Variants in CNOT6 observed in about 807,000 individuals in gnomAD.
CNOT6 encodes CCR4-NOT transcription complex subunit 6.
CNOT6 carries 12 observed loss-of-function variants against 61.2 expected under a neutral mutation model. The ratio of observed to expected loss-of-function variants is 0.20; its 90% CI spans 0.13 to 0.32. The LOEUF (loss-of-function observed/expected upper bound fraction) is 0.32, where lower values mean the gene tolerates loss of function less well. Ranked by LOEUF, CNOT6 falls within the 10% of genes least tolerant of loss-of-function variation. The pLI is 1.00. For missense variants in CNOT6, 405 were observed against 663.9 expected, an observed-to-expected ratio of 0.61 and a Z score of 4.28; for synonymous variants, 225 against 240.6, an observed-to-expected ratio of 0.94 and a Z score of 0.60.
At chr5:180,524,772 C>G (rs942267193) in intron 1 of CNOT6, among the ~76,000 whole-genome samples, 1 of 152,126 alleles carries the variant, frequency 6.6e-6, no homozygotes, top group African/African-American at 2.4e-5. Flanking sequence ...ATCAATAATT[C>G]TAATGATTAA....
At chr5:180,498,578 C>T (rs963764513) in intron 1 of CNOT6, among the ~76,000 whole-genome samples, 1 of 152,038 alleles carries the variant, frequency 6.6e-6, no homozygotes, top group Non-Finnish European at 1.5e-5. Context: ...GGGAATGACT[C>T]GAGATGAGCC....
Position 180,576,269 on chromosome 5 carries a change from T to A in CNOT6, c.*2069T>A, listed in dbSNP as rs1336532435. 1.3e-5 allele frequency: 2 copies of A among 152,648 alleles called. No homozygotes were observed. Among genetic ancestry groups the A allele is most frequent in the Non-Finnish European group, 2.9e-5 (2 of 68,036 alleles). The allele number at this position is 152,648 out of a possible 1,614,324, so 9.5% of individuals were successfully genotyped here. A position where few individuals can be genotyped will look rare whatever the true frequency, so the allele number is the denominator to read the frequency against. On this transcript the variant is annotated 3_prime_UTR_variant, in exon 12 of 12. Transcript: ENST00000261951. ...CTGGAGCTGGTTGGACTAATGAGAC[T>A]GAGGAAGCAGCTTTTCCTACGATCT... is the stretch of plus-strand genomic sequence containing the variant.
At chr5:180,520,678 C>T (rs753860350) in intron 1 of CNOT6, among the ~76,000 whole-genome samples, 1 of 151,958 alleles carries the variant, frequency 6.6e-6, no homozygotes, top group Non-Finnish European at 1.5e-5. Flanking sequence ...TTTATATAGG[C>T]AGGAAACAAA....
intron 11 of CNOT6, among the ~76,000 whole-genome samples, chr5:180,573,262 G>T (rs1436074027): frequency 6.6e-6 from 1 of 152,140 alleles, no homozygotes; most frequent in Non-Finnish European, 1.5e-5. Flanking sequence ...TGCCATGGCG[G>T]GGTGCTGCTG....
intron 1 of CNOT6, 46 bp downstream of exon 1, chr5:180,494,809 T>C (rs1322781936): frequency 6.6e-6 from 1 of 151,716 alleles, no homozygotes; most frequent in Non-Finnish European, 1.5e-5. Flanking sequence ...CGCTCCTCTC[T>C]CCGGCCGCGC....
intron 2 of CNOT6, among the ~76,000 whole-genome samples, chr5:180,531,240 C>CA (rs1758354503): frequency 6.7e-6 from 1 of 148,894 alleles, no homozygotes; most frequent in East Asian, 2.0e-4. Context: ...GGGCGGCTGC[C>CA]GGGCAGAGGG....
intron 10 of CNOT6, among the ~76,000 whole-genome samples, chr5:180,570,079 T>G (rs1760666693): frequency 6.6e-6 from 1 of 152,056 alleles, no homozygotes; most frequent in Non-Finnish European, 1.5e-5. Context: ...AGAAACTGGC[T>G]GGGTGCCGTG....
intron 4 of CNOT6, among the ~76,000 whole-genome samples, chr5:180,553,964 AT>A (rs1051675362): frequency 1.5e-4 from 23 of 152,346 alleles, no homozygotes; most frequent in African/African-American, 5.3e-4. Context: ...GGAAATAAAT[AT>A]TTTTTAAGCC....
At chr5:180,516,184 T>A (rs1009082864) in intron 1 of CNOT6, among the ~76,000 whole-genome samples, 2 of 44,464 alleles carry the variant, frequency 4.5e-5, no homozygotes, top group Non-Finnish European at 1.6e-4. Context: ...AATTCAGGAT[T>A]TTTTTTTTTT....
intron 1 of CNOT6, among the ~76,000 whole-genome samples, chr5:180,520,909 A>G (rs1278540655): frequency 1.3e-5 from 2 of 151,064 alleles, no homozygotes; most frequent in East Asian, 2.0e-4. Flanking sequence ...CAGTGGCGCA[A>G]CCTCAGCTCA....
intron 2 of CNOT6, among the ~76,000 whole-genome samples, chr5:180,530,561 C>CTT (rs70973925): frequency 3.7e-3 from 446 of 119,420 alleles, no homozygotes; most frequent in African/African-American, 0.012. Flanking sequence ...CTTCTGATTT[C>CTT]TTTTTTTTTT....
chr5:180,520,599 G>A (rs1272939146), intron 1 of CNOT6, among the ~76,000 whole-genome samples: 1 of 151,948 alleles, frequency 6.6e-6, no homozygotes, highest in Non-Finnish European at 1.5e-5. Context: ...CCAAGATCAC[G>A]CCACTGTACT....
chr5:180,502,940 GT>G (rs1054802279), intron 1 of CNOT6, among the ~76,000 whole-genome samples: 1 of 152,170 alleles, frequency 6.6e-6, no homozygotes, highest in Non-Finnish European at 1.5e-5. Context: ...TAGACCAGTA[GT>G]TTCCTTTGTT....
chr5:180,562,287 T>A (rs1032016413), intron 4 of CNOT6, among the ~76,000 whole-genome samples: 5 of 152,208 alleles, frequency 3.3e-5, no homozygotes, highest in African/African-American at 1.2e-4. Flanking sequence ...TAGGGAAAAG[T>A]GTTTTTACTC....
intron 1 of CNOT6, among the ~76,000 whole-genome samples, chr5:180,513,269 A>G (rs1344007125): frequency 6.6e-6 from 1 of 152,170 alleles, no homozygotes; most frequent in Non-Finnish European, 1.5e-5. Flanking sequence ...GGCTCACTGC[A>G]GCCTCCACCT....
chr5:180,525,174 C>T (rs1406992357), intron 1 of CNOT6, among the ~76,000 whole-genome samples: 1 of 152,132 alleles, frequency 6.6e-6, no homozygotes, highest in Non-Finnish European at 1.5e-5. Flanking sequence ...CATTTATATT[C>T]TTAAGAAGCT....
rs558722811 is a variant in CNOT6, at chr5:180,565,609, G to A, written c.560-211G>A. ...TCTGTGCCTACCTCTGTAGCAGGTA[G>A]TACATTGTATTCTAACTTGTTCACT... On this transcript the variant is annotated intron_variant, in intron 6 of 11. Transcript: ENST00000261951. Among the ~76,000 whole-genome samples the A allele has an allele frequency of 3.9e-5, 6 of 152,244 alleles. No homozygotes were observed. The South Asian group carries it at 1.0e-3, about 26-fold the overall frequency.
intron 8 of CNOT6, among the ~76,000 whole-genome samples, 166 bp downstream of exon 8, chr5:180,567,408 A>C (rs1424800508): frequency 1.3e-5 from 2 of 152,160 alleles, no homozygotes; most frequent in Non-Finnish European, 2.9e-5. Flanking sequence ...AATCATCAGA[A>C]ATAACCTTGT....
At chr5:180,500,856 A>G (rs952570481) in intron 1 of CNOT6, among the ~76,000 whole-genome samples, 34 of 152,152 alleles carry the variant, frequency 2.2e-4, no homozygotes, top group African/African-American at 8.2e-4. Flanking sequence ...TGGGCATGCT[A>G]AGGAAGGAGA....
Sources: allele counts gnomAD v4.1 joint callset (sites outside exome capture counted in the v4.1 genomes callset), GRCh38; gene constraint gnomAD v4.1.1; transcripts MANE v1.5; gene names NCBI Gene and HGNC (gene_info 2026-07-23, HGNC 2026-07-21).